MLIP: variants seen among roughly 807,000 people sequenced by gnomAD.
MLIP encodes the protein muscular LMNA interacting protein.
In MLIP, 79 loss-of-function variants were observed where a neutral mutation model predicts 84.8. That is an observed-to-expected ratio of 0.93 (90% CI 0.78 to 1.12). The LOEUF (loss-of-function observed/expected upper bound fraction) is 1.12, where lower values mean the gene tolerates loss of function less well. Ranked by LOEUF, MLIP falls within the 50% of genes most tolerant of loss-of-function variation. The pLI is 0.00. For synonymous variants in MLIP, 504 were observed against 463.0 expected (o/e 1.09, Z -1.14); for missense variants, 1,257 against 1,160.6 (o/e 1.08, Z -1.21).
At chr6:54,038,947 A>T (rs1244779839) in intron 1 of MLIP, among the ~76,000 whole-genome samples, 3 of 151,922 alleles carry the variant, frequency 2.0e-5, no homozygotes, top group Non-Finnish European at 4.4e-5. Context: ...TTTTGAGCAC[A>T]TTCTCGCCAA....
At chr6:54,239,593 C>T (rs950035093) in intron 12 of MLIP, among the ~76,000 whole-genome samples, 5 of 148,676 alleles carry the variant, frequency 3.4e-5, no homozygotes, top group Non-Finnish European at 3.0e-5. Flanking sequence ...CAACATCCAA[C>T]GTGGTGAAAC....
At chr6:54,117,648 T>C (rs1312860650) in intron 1 of MLIP, among the ~76,000 whole-genome samples, 3 of 151,682 alleles carry the variant, frequency 2.0e-5, no homozygotes, top group Non-Finnish European at 4.4e-5. Context: ...CAGGATCTTA[T>C]ATATAAAAAA....
intron 1 of MLIP, among the ~76,000 whole-genome samples, chr6:54,047,911 A>G (rs1050602888): frequency 2.6e-5 from 4 of 152,218 alleles, no homozygotes; most frequent in Non-Finnish European, 4.4e-5. Flanking sequence ...ACAATGTACT[A>G]TATGTAGGGC....
chr6:54,245,915 A>G (rs184872165), intron 12 of MLIP, among the ~76,000 whole-genome samples: 1 of 152,104 alleles, frequency 6.6e-6, no homozygotes, highest in African/African-American at 2.4e-5. Flanking sequence ...ATGTTGCTTT[A>G]TCTTGCTTAA....
intron 11 of MLIP, among the ~76,000 whole-genome samples, chr6:54,219,044 G>A (rs62397397): frequency 0.68 from 101,682 of 150,236 alleles, 37,489 homozygotes; most frequent in Non-Finnish European, 0.81. Flanking sequence ...TCTACTAAAA[G>A]TACAAAAAAA....
chr6:54,249,734 C>CACACACACATAT (rs145607176), intron 12 of MLIP, among the ~76,000 whole-genome samples: 3,108 of 127,588 alleles, frequency 0.024, 106 homozygotes, highest in African/African-American at 0.082. Context: ...CACACACACA[C>CACACACACATAT]ATATATATAT....
At chr6:54,238,499 T>C (rs1172653121) in intron 12 of MLIP, among the ~76,000 whole-genome samples, 1 of 152,204 alleles carries the variant, frequency 6.6e-6, no homozygotes, top group Non-Finnish European at 1.5e-5. Context: ...CTACAAGCCA[T>C]GTAGACAGGA....
intron 11 of MLIP, among the ~76,000 whole-genome samples, chr6:54,223,584 G>C (rs1780369308): frequency 6.6e-6 from 1 of 151,990 alleles, no homozygotes; most frequent in African/African-American, 2.4e-5. Flanking sequence ...GCTATAGTCT[G>C]CTTTTATGAC....
intron 1 of MLIP, among the ~76,000 whole-genome samples, chr6:54,042,958 A>G (rs1764831759): frequency 6.6e-6 from 1 of 152,186 alleles, no homozygotes; most frequent in African/African-American, 2.4e-5. Context: ...AAACATAAAT[A>G]TAAAGGGAGA....
chr6:54,116,469 T>C (rs1769930842), intron 1 of MLIP, among the ~76,000 whole-genome samples: 1 of 152,182 alleles, frequency 6.6e-6, no homozygotes, highest in African/African-American at 2.4e-5. Flanking sequence ...TGTAAACAAT[T>C]ATATACCAAA....
chr6:54,127,930 T>C (rs1003509638), intron 3 of MLIP, among the ~76,000 whole-genome samples: 4 of 152,146 alleles, frequency 2.6e-5, no homozygotes, highest in African/African-American at 9.7e-5. Context: ...GGGGTAGTAT[T>C]AGAGTTACGG....
intron 9 of MLIP, among the ~76,000 whole-genome samples, chr6:54,188,118 G>A (rs1420843364): frequency 6.6e-6 from 1 of 152,136 alleles, no homozygotes; most frequent in Non-Finnish European, 1.5e-5. Flanking sequence ...ATAAAAAGTG[G>A]TACATCTGTA....
intron 11 of MLIP, among the ~76,000 whole-genome samples, chr6:54,208,791 T>C (rs1156533249): frequency 2.0e-5 from 3 of 152,208 alleles, no homozygotes; most frequent in African/African-American, 7.2e-5. Context: ...TACCAAATTG[T>C]CTTATAATAC....
chr6:54,140,847 A>T (rs1772233685), intron 4 of MLIP, among the ~76,000 whole-genome samples: 1 of 152,176 alleles, frequency 6.6e-6, no homozygotes, highest in Admixed American at 6.5e-5. Context: ...GAAATAGACA[A>T]ATGCTGTGTG....
chr6:54,101,316 A>C (rs1244052725), intron 1 of MLIP, among the ~76,000 whole-genome samples: 1 of 152,138 alleles, frequency 6.6e-6, no homozygotes, highest in African/African-American at 2.4e-5. Context: ...ATTTTTGTTC[A>C]GTCTCATACA....
chr6:54,230,874 A>G lies in MLIP; in HGVS notation c.2879A>G (p.Gln960Arg), dbSNP rs1298683272. 1.9e-6 allele frequency: 3 copies of G among 1,614,044 alleles called. No individual in the cohort carries two copies. In the African/African-American group the frequency reaches 4.0e-5, roughly 22 times the overall value. The change falls in exon 12 of 14, where the codon CAG (glutamine) becomes CGG (arginine). Residue 960 changes from glutamine to arginine, a missense_variant. Physicochemically the swap from Gln to Arg is conservative, Grantham distance 43. Coordinates refer to ENST00000502396, the MANE Select transcript of MLIP (RefSeq NM_001281747.2). ...SHLSFSLSDE[Q>R]ENSHTLLSHN... ...CTGTCCTTCTCCTTGAGTGATGAAC[A>G]GGAGAATTCTCACACCCTCCTCAGT... is the stretch of plus-strand genomic sequence containing the variant.
intron 1 of MLIP, among the ~76,000 whole-genome samples, chr6:54,097,954 A>G (rs903147192): frequency 6.6e-6 from 1 of 152,144 alleles, no homozygotes; most frequent in African/African-American, 2.4e-5. Flanking sequence ...AGAGTCAGCA[A>G]GAGAAACATC....
chr6:54,191,203 A>T (rs967520016), intron 10 of MLIP, among the ~76,000 whole-genome samples: 3 of 152,188 alleles, frequency 2.0e-5, no homozygotes, highest in Non-Finnish European at 4.4e-5. Flanking sequence ...AGTTTGAAAC[A>T]TTAACTGATA....
chr6:54,034,980 C>T (rs1764344981), intron 1 of MLIP, among the ~76,000 whole-genome samples: 1 of 152,048 alleles, frequency 6.6e-6, no homozygotes, highest in South Asian at 2.1e-4. Flanking sequence ...CAAATATATA[C>T]CATTGTGTTA....
Sources: gnomAD v4.1 joint callset for allele counts (sites outside exome capture counted in the v4.1 genomes callset) on GRCh38, gnomAD v4.1.1 for gene constraint, MANE v1.5 for transcripts, NCBI Gene and HGNC (gene_info 2026-07-23, HGNC 2026-07-21) for gene names.